LRTM1: variants seen among roughly 807,000 people sequenced by gnomAD.
LRTM1 encodes the protein leucine rich repeat transmembrane protein 1.
Under a neutral mutation model 32.4 loss-of-function variants are expected in LRTM1, and 38 were observed. That is an observed-to-expected ratio of 1.17 (90% CI 0.91 to 1.54). LRTM1 has a LOEUF of 1.54. LRTM1 is among the 40% of genes most tolerant of loss of function. LRTM1 has a pLI of 0.00. For synonymous variants in LRTM1, 186 were observed against 169.9 expected (o/e 1.09, Z -0.74); for missense variants, 466 against 415.4 (o/e 1.12, Z -1.06).
At chr3:54,960,517 A>G (rs79678656) in intron 1 of LRTM1, among the ~76,000 whole-genome samples, 1,850 of 152,292 alleles carry the variant, frequency 0.012, 32 homozygotes, top group African/African-American at 0.042. Context: ...ATAATACCAT[A>G]GCTTGGAGAT....
rs747423320 is a variant in LRTM1, at chr3:54,925,098, G to T, written c.125C>A (p.Ala42Asp). 2 of 1,613,928 alleles carry T rather than the reference G, an allele frequency of 1.2e-6. No homozygotes were observed. Among genetic ancestry groups the T allele is most frequent in the Non-Finnish European group, 1.7e-6 (2 of 1,180,018 alleles). ...NFVDCSQQGL[A>D]EIPSHLPPQT... ...AGGAGGTAAATGGGAAGGGATTTCG[G>T]CCAGACCCTGCTGGCTGCAGTCTAC... Residue 42 changes from alanine to aspartate, a missense_variant, in exon 2 of 3, where the codon GCC becomes GAC. Coordinates refer to ENST00000273286, the MANE Select transcript of LRTM1 (RefSeq NM_020678.4).
upstream of LRTM1, among the ~76,000 whole-genome samples, chr3:54,931,444 T>C (rs1701189762): frequency 6.6e-6 from 1 of 152,192 alleles, no homozygotes; most frequent in African/African-American, 2.4e-5. Context: ...TGCTAGGCAG[T>C]GCCTTTTCTT....
intron 2 of LRTM1, among the ~76,000 whole-genome samples, chr3:54,919,680 C>A (rs1372998916): frequency 6.6e-6 from 1 of 152,232 alleles, no homozygotes; most frequent in Non-Finnish European, 1.5e-5. Context: ...AGTGTGACCA[C>A]TGATTTACTC....
chr3:54,957,329 T>C (rs947471752), intron 1 of LRTM1, among the ~76,000 whole-genome samples: 6 of 152,142 alleles, frequency 3.9e-5, no homozygotes, highest in Admixed American at 2.0e-4. Context: ...TAAAACTTTT[T>C]ATAGAGATGG....
At position 54,918,852 on chromosome 3, in the gene LRTM1, G is replaced by C; in HGVS notation, c.645C>G (p.Thr215=). Residue 215 remains threonine (T), a synonymous_variant, in exon 3 of 3, where the codon ACC becomes ACG. Transcript: ENST00000273286. ...TCCTAAGGAGGTCCTTTCCCTTCCA[G>C]GTGTCTGGTGATTCACAGATGATGC... The part of the protein sequence containing the change: ...TDGIICESPD[T]WKGKDLLRIP... The C allele has an allele frequency of 6.4e-7, 1 of 1,569,936 alleles. No homozygotes were observed. Among genetic ancestry groups the C allele is most frequent in the Non-Finnish European group, 8.7e-7 (1 of 1,155,924 alleles).
intron 1 of LRTM1, among the ~76,000 whole-genome samples, chr3:54,951,535 T>C (rs1490513077): frequency 6.6e-6 from 1 of 152,184 alleles, no homozygotes; most frequent in African/African-American, 2.4e-5. Flanking sequence ...TTGAAGCATC[T>C]CTACAGACTT....
chr3:54,929,096 T>G (rs950756086), upstream of LRTM1, among the ~76,000 whole-genome samples: 1 of 152,154 alleles, frequency 6.6e-6, no homozygotes, highest in African/African-American at 2.4e-5. Context: ...ATTGAGCCAT[T>G]GGGTTTGGGC....
rs61601184 is a variant in LRTM1, at chr3:54,920,879, G to C, written c.605-1987C>G. ...GTGTTTCTCCAGTTCCAGACTTTCTGTTGTTCGGTATTAAGGTGGGAGCCA... is the reference window on the plus strand; with the variant it reads ...GTGTTTCTCCAGTTCCAGACTTTCTCTTGTTCGGTATTAAGGTGGGAGCCA... On this transcript the variant is annotated intron_variant, in intron 2 of 2. Transcript: ENST00000273286. Among the ~76,000 whole-genome samples the C allele has an allele frequency of 2.0e-5, 3 of 152,250 alleles. No individual in the cohort carries two copies. In the East Asian group the frequency reaches 5.8e-4, roughly 29 times the overall value.
chr3:54,928,309 C>T (rs1400910992), upstream of LRTM1, among the ~76,000 whole-genome samples: 1 of 152,140 alleles, frequency 6.6e-6, no homozygotes, highest in Non-Finnish European at 1.5e-5. Flanking sequence ...ATTATTTAAT[C>T]TGCTTGAAGT....
At position 54,918,669 on chromosome 3, in the gene LRTM1, C is replaced by T. The variant is rs761901691; in HGVS notation, c.828G>A (p.Lys276=). 1 of 1,614,170 alleles carries T rather than the reference C, an allele frequency of 6.2e-7. No individual in the cohort carries two copies. The highest frequency in any genetic ancestry group is 8.5e-7 in the Non-Finnish European group (1 of 1,180,028). ...RELLECELKP[K]PRPANLRHAI... ...CATGACGCAGGTTGGCCGGCCTTGG[C>T]TTGGGTTTGAGCTCGCACTCCAAGA... The change falls in exon 3 of 3, where the codon AAG becomes AAA. Residue 276 remains lysine, a synonymous_variant. Transcript: ENST00000273286.
intron 1 of LRTM1, among the ~76,000 whole-genome samples, chr3:54,963,506 A>C (rs1702078805): frequency 6.6e-6 from 1 of 152,238 alleles, no homozygotes; most frequent in Non-Finnish European, 1.5e-5. Flanking sequence ...AATTGTGAAT[A>C]TTATTTAATT....
chr3:54,924,975 T>A lies in LRTM1; in HGVS notation c.248A>T (p.Asn83Ile), dbSNP rs533883378. The change falls in exon 2 of 3, where the codon AAC becomes ATC. Residue 83 changes from asparagine (N) to isoleucine (I), a missense_variant. Asn to Ile is a moderately radical substitution (Grantham distance 149). Transcript: ENST00000273286. Reference sequence around the variant, plus strand: ...AGGGGCCAGATTTGAAAGGGAATTGTTGGACAAGTTTAAGGTCATGAGCCA... The same window carrying A: ...AGGGGCCAGATTTGAAAGGGAATTGATGGACAAGTTTAAGGTCATGAGCCA... ...VPWLMTLNLS[N>I]NSLSNLAPGA... is the part of the protein sequence containing the mutation. 67 of 1,611,640 alleles carry A rather than the reference T, an allele frequency of 4.2e-5. No individual in the cohort carries two copies. The South Asian group carries it at 7.2e-4, about 17-fold the overall frequency.
upstream of LRTM1, among the ~76,000 whole-genome samples, chr3:54,932,981 G>A (rs1167276712): frequency 1.3e-5 from 2 of 152,020 alleles, no homozygotes; most frequent in East Asian, 1.9e-4. Context: ...ATGACCAAAC[G>A]GCACCCAGGT....
rs1389458704 is a variant in LRTM1, at chr3:54,918,543, G to A, written c.954C>T (p.Ala318=). Residue 318 remains alanine, a synonymous_variant, in exon 3 of 3, where the codon GCC becomes GCT. Coordinates refer to ENST00000273286, the MANE Select transcript of LRTM1 (RefSeq NM_020678.4). ...IYGCTYAAIT[A]QYHGGPLAQT... The stretch of plus-strand genomic sequence containing the variant: ...GAGCCAAGGGTCCCCCATGGTACTG[G>A]GCTGTGATTGCCGCATAGGTGCAGC... 1.2e-6 allele frequency: 2 copies of A among 1,613,852 alleles called. No homozygotes were observed. Among genetic ancestry groups the A allele is most frequent in the Non-Finnish European group, 1.7e-6 (2 of 1,179,966 alleles).
At chr3:54,923,713 G>C (rs951163039) in intron 2 of LRTM1, among the ~76,000 whole-genome samples, 1 of 152,186 alleles carries the variant, frequency 6.6e-6, no homozygotes, top group African/African-American at 2.4e-5. Context: ...CTGTGAAGTG[G>C]AGGAAAGAAT....
intron 2 of LRTM1, among the ~76,000 whole-genome samples, chr3:54,921,029 A>G (rs1430410355): frequency 6.6e-6 from 1 of 151,404 alleles, no homozygotes; most frequent in South Asian, 2.1e-4. Flanking sequence ...CCGGGATGCA[A>G]CTCCCACTCT....
upstream of LRTM1, among the ~76,000 whole-genome samples, chr3:54,929,844 T>C (rs1701141602): frequency 6.6e-6 from 1 of 152,204 alleles, no homozygotes; most frequent in Non-Finnish European, 1.5e-5. Context: ...TAACCATCAA[T>C]GGCCCCCATT....
Position 54,948,510 on chromosome 3 carries a change from CCTGCAGTGGTTTCACCATGAGCACCT to C in LRTM1, c.-222+18392_-222+18417del, listed in dbSNP as rs369198931. Reference sequence around the variant, plus strand: ...CTAGTATGGGCAAAGGTAGCATCTTCCTGCAGTGGTTTCACCATGAGCACCTCTGCATGATCAGCTAACTCGGTACA... The same window carrying C: ...CTAGTATGGGCAAAGGTAGCATCTTCCTGCATGATCAGCTAACTCGGTACA... On this transcript the variant is annotated intron_variant, in intron 1 of 2. Coordinates refer to the LRTM1 transcript ENST00000493075. Among the ~76,000 whole-genome samples, 454 of 152,322 alleles carry C rather than the reference CCTGCAGTGGTTTCACCATGAGCACCT, an allele frequency of 3.0e-3. 1 individual carries two copies. Among genetic ancestry groups the C allele is most frequent in the African/African-American group, 0.011 (443 of 41,576 alleles).
At chr3:54,966,129 C>T (rs530616911) in intron 1 of LRTM1, among the ~76,000 whole-genome samples, 21 of 151,928 alleles carry the variant, frequency 1.4e-4, no homozygotes, top group Non-Finnish European at 1.0e-4. Context: ...CATCAGAGAA[C>T]GGGGGTGGGG....
Sources: allele counts gnomAD v4.1 joint callset (sites outside exome capture counted in the v4.1 genomes callset), GRCh38; gene constraint gnomAD v4.1.1; transcripts MANE v1.5; gene names NCBI Gene and HGNC (gene_info 2026-07-23, HGNC 2026-07-21).